CSNK2A2IP: variants seen among roughly 807,000 people sequenced by gnomAD.
CSNK2A2IP encodes casein kinase 2 subunit alpha' interacting protein, also known as casein kinase II subunit alpha'-interacting protein.
chr3:88,373,452 A>T, the CSNK2A2IP span, among the ~76,000 whole-genome samples: 1 of 151,570 alleles, frequency 6.6e-6, no homozygotes, highest in African/African-American at 2.4e-5. Flanking sequence ...CACAAAATTT[A>T]AAATATCAAA....
At chr3:88,428,503 A>G in the CSNK2A2IP span, among the ~76,000 whole-genome samples, 1 of 152,154 alleles carries the variant, frequency 6.6e-6, no homozygotes, top group Admixed American at 6.5e-5. Flanking sequence ...CTTACCTTGA[A>G]TTGTAGTTCC....
the CSNK2A2IP span, among the ~76,000 whole-genome samples, chr3:88,451,446 G>A: frequency 3.0e-3 from 437 of 144,570 alleles, 2 homozygotes; most frequent in African/African-American, 0.01. Context: ...TTCTGCTATT[G>A]AGTTGTGTGA....
chr3:88,347,889 G>A, the CSNK2A2IP span, among the ~76,000 whole-genome samples: 3 of 151,886 alleles, frequency 2.0e-5, no homozygotes, highest in Non-Finnish European at 4.4e-5. Flanking sequence ...GGAGATACAT[G>A]TTGAGTATCT....
the CSNK2A2IP span, among the ~76,000 whole-genome samples, chr3:88,463,687 C>A: frequency 1.3e-5 from 2 of 152,206 alleles, no homozygotes; most frequent in African/African-American, 2.4e-5. Flanking sequence ...AATAGAAACA[C>A]TTTTACACTG....
At chr3:88,388,832 T>C in the CSNK2A2IP span, among the ~76,000 whole-genome samples, 5 of 152,012 alleles carry the variant, frequency 3.3e-5, no homozygotes, top group Non-Finnish European at 7.4e-5. Context: ...TCCATGGAAG[T>C]TATAGCTACT....
chr3:88,422,488 G>T, the CSNK2A2IP span, among the ~76,000 whole-genome samples: 1 of 152,174 alleles, frequency 6.6e-6, no homozygotes, highest in African/African-American at 2.4e-5. Flanking sequence ...TAGAATTTGA[G>T]TAATAATCTC....
chr3:88,409,685 G>T, the CSNK2A2IP span, among the ~76,000 whole-genome samples: 5 of 151,996 alleles, frequency 3.3e-5, no homozygotes, highest in East Asian at 9.6e-4. Context: ...AGTTGGATAT[G>T]ATTTAAGAAG....
chr3:88,358,416 TTAAACTAAAGGCTTTC>T, the CSNK2A2IP span, among the ~76,000 whole-genome samples: 1 of 152,200 alleles, frequency 6.6e-6, no homozygotes, highest in Non-Finnish European at 1.5e-5. Context: ...GTTCCGGATC[TTAAACTAAAGGCTTTC>T]TGTTGTTGGA....
chr3:88,452,979 A>G, the CSNK2A2IP span, among the ~76,000 whole-genome samples: 1 of 152,164 alleles, frequency 6.6e-6, no homozygotes, highest in Non-Finnish European at 1.5e-5. Context: ...GTCTTAAAGT[A>G]TAAATCTGAG....
the CSNK2A2IP span, among the ~76,000 whole-genome samples, chr3:88,457,467 G>A: frequency 2.6e-5 from 4 of 152,004 alleles, no homozygotes; most frequent in South Asian, 8.3e-4. Flanking sequence ...AGGCCGAGGT[G>A]GATGGATCAC....
the CSNK2A2IP span, among the ~76,000 whole-genome samples, chr3:88,453,916 T>G: frequency 1.3e-5 from 2 of 152,078 alleles, no homozygotes; most frequent in Non-Finnish European, 2.9e-5. Flanking sequence ...TTTTAAGTCT[T>G]TATATGAGCA....
the CSNK2A2IP span, among the ~76,000 whole-genome samples, chr3:88,401,431 C>G: frequency 6.6e-6 from 1 of 151,988 alleles, no homozygotes; most frequent in Non-Finnish European, 1.5e-5. Context: ...GTTCATGCAG[C>G]AAGTGTATGG....
chr3:88,366,532 C>T, the CSNK2A2IP span, among the ~76,000 whole-genome samples: 8 of 152,090 alleles, frequency 5.3e-5, no homozygotes, highest in Non-Finnish European at 1.0e-4. Context: ...TTTATATCCT[C>T]AAGCTATAAT....
the CSNK2A2IP span, among the ~76,000 whole-genome samples, chr3:88,368,261 C>A: frequency 6.6e-6 from 1 of 151,982 alleles, no homozygotes; most frequent in East Asian, 1.9e-4. Flanking sequence ...CAAGACAGAG[C>A]ATTTGCCTTC....
At chr3:88,445,406 G>T in the CSNK2A2IP span, among the ~76,000 whole-genome samples, 1 of 151,108 alleles carries the variant, frequency 6.6e-6, no homozygotes, top group African/African-American at 2.4e-5. Context: ...TCAAATCACT[G>T]CACTCTAGCC....
the CSNK2A2IP span, among the ~76,000 whole-genome samples, chr3:88,359,034 G>A: frequency 0.44 from 65,957 of 148,398 alleles, 15,711 homozygotes; most frequent in South Asian, 0.63. Context: ...ACACTTACGC[G>A]TGCTCTTTTT....
the CSNK2A2IP span, among the ~76,000 whole-genome samples, chr3:88,429,376 A>G: frequency 6.6e-6 from 1 of 152,230 alleles, no homozygotes; most frequent in Non-Finnish European, 1.5e-5. Flanking sequence ...TATTTAAGGT[A>G]TCCAAAAGGA....
At chr3:88,436,812 G>T in the CSNK2A2IP span, among the ~76,000 whole-genome samples, 3 of 152,050 alleles carry the variant, frequency 2.0e-5, no homozygotes, top group South Asian at 6.2e-4. Flanking sequence ...AAACAAACTC[G>T]AATTGATGAT....
chr3:88,363,831 T>C, the CSNK2A2IP span, among the ~76,000 whole-genome samples: 2 of 152,178 alleles, frequency 1.3e-5, no homozygotes, highest in Admixed American at 6.5e-5. Context: ...ATCACCTGTA[T>C]ATAATAAATG....
Sources: allele counts gnomAD v4.1 joint callset (sites outside exome capture counted in the v4.1 genomes callset), GRCh38; gene constraint gnomAD v4.1.1; transcripts MANE v1.5; gene names NCBI Gene and HGNC (gene_info 2026-07-23, HGNC 2026-07-21).